Variants in CNTN4 observed in about 807,000 individuals in gnomAD.
The protein encoded by CNTN4 is contactin 4, also known as contactin-4.
In CNTN4, 77 loss-of-function variants were observed where a neutral mutation model predicts 122.5. The observed-to-expected ratio is 0.63, with a 90% CI of 0.52 to 0.76. The LOEUF (loss-of-function observed/expected upper bound fraction) is 0.76, where lower values mean the gene tolerates loss of function less well. CNTN4 is among the 30% of genes least tolerant of loss of function. CNTN4 has a pLI of 0.00. For missense variants in CNTN4, 1,256 were observed against 1,259.1 expected, an observed-to-expected ratio of 1.00 and a Z score of 0.04; for synonymous variants, 512 against 447.0, an observed-to-expected ratio of 1.15 and a Z score of -1.83.
At chr3:2,921,064 G>A (rs886247594) in intron 12 of CNTN4, among the ~76,000 whole-genome samples, 6 of 152,136 alleles carry the variant, frequency 3.9e-5, no homozygotes, top group African/African-American at 1.4e-4. Flanking sequence ...TTAAAAGACA[G>A]GGTCTCACCG....
intron 4 of CNTN4, among the ~76,000 whole-genome samples, chr3:2,624,737 T>A (rs1251111355): frequency 6.9e-6 from 1 of 145,938 alleles, no homozygotes; most frequent in Non-Finnish European, 1.5e-5. Context: ...GTTCAAGCAA[T>A]TCCCTTGCCT....
intron 3 of CNTN4, among the ~76,000 whole-genome samples, chr3:2,512,405 A>C (rs9841028): frequency 0.21 from 32,645 of 151,872 alleles, 5,264 homozygotes; most frequent in African/African-American, 0.46. Context: ...TTATCTTTTT[A>C]TGTATCCTCA....
At chr3:2,488,937 A>C (rs2076237767) in intron 3 of CNTN4, among the ~76,000 whole-genome samples, 1 of 152,230 alleles carries the variant, frequency 6.6e-6, no homozygotes, top group Admixed American at 6.5e-5. Flanking sequence ...AGAATCATAG[A>C]TAAAAAGGAA....
chr3:2,339,620 C>G (rs1044187109), intron 3 of CNTN4, among the ~76,000 whole-genome samples: 3 of 152,158 alleles, frequency 2.0e-5, no homozygotes, highest in Admixed American at 2.0e-4. Flanking sequence ...ATTAAGTTAA[C>G]GCAGTCCTAT....
At chr3:2,188,703 A>C (rs560890615) in intron 2 of CNTN4, among the ~76,000 whole-genome samples, 3 of 152,186 alleles carry the variant, frequency 2.0e-5, no homozygotes, top group East Asian at 3.9e-4. Context: ...TAATTAGGGC[A>C]AAGTTGCAGG....
At chr3:2,608,118 T>C (rs2081334910) in intron 4 of CNTN4, among the ~76,000 whole-genome samples, 1 of 152,182 alleles carries the variant, frequency 6.6e-6, no homozygotes, top group South Asian at 2.1e-4. Flanking sequence ...ATAAATTGAA[T>C]GTAGTGAAAT....
At chr3:2,466,970 C>CTTTTTTTTTTTTTTTTTTT (rs60879017) in intron 3 of CNTN4, among the ~76,000 whole-genome samples, 25 of 115,786 alleles carry the variant, frequency 2.2e-4, no homozygotes, top group East Asian at 7.5e-4. Flanking sequence ...TTCTTTCTTT[C>CTTTTTTTTTTTTTTTTTTT]TTTTTTTTTT....
chr3:2,144,328 C>T (rs541545582), intron 2 of CNTN4: 2 of 152,264 alleles, frequency 1.3e-5, no homozygotes, highest in Admixed American at 6.5e-5. Flanking sequence ...GTAAAACAAG[C>T]GTTTCTTTAC....
intron 3 of CNTN4, among the ~76,000 whole-genome samples, chr3:2,524,146 T>C (rs556659811): frequency 3.3e-5 from 5 of 152,180 alleles, no homozygotes; most frequent in African/African-American, 1.2e-4. Flanking sequence ...CACAGTCGCT[T>C]CCCATTTCTC....
At chr3:2,133,533 CTTTTTGAAAGCTTTTCT>C (rs2034548335) in intron 2 of CNTN4, among the ~76,000 whole-genome samples, 1 of 152,132 alleles carries the variant, frequency 6.6e-6, no homozygotes, top group South Asian at 2.1e-4. Context: ...TTCTACAAAG[CTTTTTGAAAGCTTTTCT>C]TTTTTGAAAT....
chr3:2,736,409 T>C (rs2089094687), intron 5 of CNTN4, 68 bp downstream of exon 5: 2 of 1,281,720 alleles, frequency 1.6e-6, no homozygotes, highest in South Asian at 1.3e-5. Context: ...CAAATACTTA[T>C]ACAATGCTGG....
At chr3:2,272,552 C>A (rs930956906) in intron 2 of CNTN4, among the ~76,000 whole-genome samples, 5 of 152,072 alleles carry the variant, frequency 3.3e-5, no homozygotes, top group Non-Finnish European at 7.3e-5. Context: ...TTTGTGCATA[C>A]CAATTTACCC....
intron 2 of CNTN4, among the ~76,000 whole-genome samples, chr3:2,253,612 T>G (rs1454413171): frequency 1.3e-5 from 2 of 152,176 alleles, no homozygotes; most frequent in East Asian, 3.9e-4. Context: ...TTGGAATCAG[T>G]TAGGTCATAT....
chr3:2,854,268 C>CTTTT (rs56147510), intron 7 of CNTN4, among the ~76,000 whole-genome samples: 7,219 of 89,892 alleles, frequency 0.08, 552 homozygotes, highest in Non-Finnish European at 0.097. Flanking sequence ...CTTTCTTCTT[C>CTTTT]TTTTTTTTTT....
intron 6 of CNTN4, among the ~76,000 whole-genome samples, chr3:2,761,501 T>A (rs1245599791): frequency 6.6e-5 from 10 of 152,006 alleles, no homozygotes; most frequent in Admixed American, 4.6e-4. Flanking sequence ...CCTAGTCACA[T>A]GTAGATGTAC....
chr3:2,602,179 G>T (rs2081073749), intron 4 of CNTN4, among the ~76,000 whole-genome samples: 1 of 152,144 alleles, frequency 6.6e-6, no homozygotes, highest in Admixed American at 6.5e-5. Flanking sequence ...TTGAAAACTG[G>T]CACAAGACAG....
At chr3:2,890,908 T>A (rs565503071) in intron 10 of CNTN4, among the ~76,000 whole-genome samples, 7 of 152,346 alleles carry the variant, frequency 4.6e-5, no homozygotes, top group African/African-American at 1.7e-4. Context: ...AAAAATAGAT[T>A]TATTTTCAGT....
intron 4 of CNTN4, among the ~76,000 whole-genome samples, chr3:2,626,301 G>A (rs2082183491): frequency 6.6e-6 from 1 of 152,012 alleles, no homozygotes; most frequent in Non-Finnish European, 1.5e-5. Flanking sequence ...AGACCATCCT[G>A]GCTAACACGG....
chr3:2,337,470 T>C (rs1175095523), intron 2 of CNTN4, among the ~76,000 whole-genome samples: 1 of 152,092 alleles, frequency 6.6e-6, no homozygotes, highest in Non-Finnish European at 1.5e-5. Flanking sequence ...CTAGTCTGCA[T>C]TATGTAATTT....
Sources: allele counts gnomAD v4.1 joint callset (sites outside exome capture counted in the v4.1 genomes callset), GRCh38; gene constraint gnomAD v4.1.1; transcripts MANE v1.5; gene names NCBI Gene and HGNC (gene_info 2026-07-23, HGNC 2026-07-21).